POLH: variants seen among roughly 807,000 people sequenced by gnomAD.
POLH encodes DNA polymerase eta transcript.
A neutral mutation model predicts 73.6 loss-of-function variants in POLH; 53 were observed. The observed-to-expected ratio is 0.72, with a 90% CI of 0.58 to 0.91. The LOEUF is 0.91. POLH is among the 40% of genes least tolerant of loss of function. The pLI, the probability that POLH is intolerant of heterozygous loss-of-function variation, is 0.00. For synonymous variants in POLH, 292 were observed against 308.5 expected, an observed-to-expected ratio of 0.95 and a Z score of 0.56; for missense variants, 768 against 865.4, an observed-to-expected ratio of 0.89 and a Z score of 1.41.
chr6:43,602,729 G>A (rs906587855), intron 6 of POLH, among the ~76,000 whole-genome samples: 23 of 149,858 alleles, frequency 1.5e-4, no homozygotes, highest in Non-Finnish European at 2.8e-4. Flanking sequence ...GTGCAGTGGC[G>A]CGATATTGGC....
At position 43,618,040 on chromosome 6, in the gene POLH, G is replaced by C. The variant is rs1195812518; in HGVS notation, c.*3483G>C. The stretch of plus-strand genomic sequence containing the variant: ...TTAAGTACAAATTTAAGAGGTAAGT[G>C]CTTCAGCCATTAGGGTTACTGGCTT... On this transcript the variant is annotated 3_prime_UTR_variant, in exon 11 of 11. Transcript: ENST00000372236. Among the ~76,000 whole-genome samples, 1 of 152,198 alleles carries C rather than the reference G, an allele frequency of 6.6e-6. No individual in the cohort carries two copies. Among genetic ancestry groups the C allele is most frequent in the Non-Finnish European group, 1.5e-5 (1 of 68,038 alleles).
In POLH at chr6:43,603,927, T is replaced by C. The variant is rs771605002; in HGVS notation, c.800T>C (p.Ile267Thr). The C allele has an allele frequency of 2.5e-6, 4 of 1,612,980 alleles. No individual in the cohort carries two copies. The highest frequency in any genetic ancestry group is 2.2e-5 in the East Asian group (1 of 44,876). Residue 267 changes from isoleucine (I) to threonine (T), a missense_variant, in exon 7 of 11, where the codon ATT (isoleucine) becomes ACT (threonine). Coordinates refer to ENST00000372236, the MANE Select transcript of POLH (RefSeq NM_006502.3). ...SLGGKLGASV[I>T]EILGIEYMGE... The stretch of plus-strand genomic sequence containing the variant: ...GGAGGAAAGCTAGGGGCCTCTGTCA[T>C]TGAGATCCTAGGGATAGAATACATG...
Position 43,582,463 on chromosome 6 carries a change from AT to A in POLH, c.137+8del. ...AATCATGGAAGGGTGGTGGGTATGT[AT>A]CATTGTTATTGTCACAACTATTCAA... On this transcript the variant is annotated splice_region_variant and intron_variant, in intron 2 of 10. Coordinates refer to ENST00000372236, the MANE Select transcript of POLH (RefSeq NM_006502.3). 1 of 1,613,094 alleles carries A rather than the reference AT, an allele frequency of 6.2e-7. No individual in the cohort carries two copies. The highest frequency in any genetic ancestry group is 8.5e-7 in the Non-Finnish European group (1 of 1,179,080).
In POLH at chr6:43,617,185, C is replaced by CA. The variant is rs972141192; in HGVS notation, c.*2635dup. On this transcript the variant is annotated 3_prime_UTR_variant, in exon 11 of 11. Transcript: ENST00000372236. ...CCTGGGCGATAGAGTAACTCTGTCT[C>CA]AAAAAAACCCACTAGATCATCTCTA... Among the ~76,000 whole-genome samples, 4 of 151,666 alleles carry CA rather than the reference C, an allele frequency of 2.6e-5. No homozygotes were observed. The highest frequency in any genetic ancestry group is 4.8e-5 in the African/African-American group (2 of 41,266).
chr6:43,593,255 A>C (rs1042803677), intron 4 of POLH, among the ~76,000 whole-genome samples: 5 of 152,234 alleles, frequency 3.3e-5, no homozygotes, highest in African/African-American at 1.2e-4. Flanking sequence ...ACTAAATCTT[A>C]CTAGTGCTCA....
intron 9 of POLH, among the ~76,000 whole-genome samples, chr6:43,609,258 C>T (rs900161794): frequency 1.3e-5 from 2 of 152,042 alleles, no homozygotes; most frequent in African/African-American, 4.8e-5. Context: ...TCCATGAGGA[C>T]CTGGACTTTA....
Position 43,619,159 on chromosome 6 carries a change from T to C in POLH, c.*4602T>C, listed in dbSNP as rs1472764562. Among the ~76,000 whole-genome samples, 1 of 152,010 alleles carries C rather than the reference T, an allele frequency of 6.6e-6. No homozygotes were observed. Among genetic ancestry groups the C allele is most frequent in the African/African-American group, 2.4e-5 (1 of 41,388 alleles). On this transcript the variant is annotated 3_prime_UTR_variant, in exon 11 of 11. Transcript: ENST00000372236. ...TGGGAGGCTGAGGTGGGTGGACTAC[T>C]GGAGCCCTGGAGTTCAAAACCGGCC...
intron 9 of POLH, 35 bp from the exon 10 acceptor site, chr6:43,610,519 A>G (rs746113437): frequency 6.9e-6 from 11 of 1,593,410 alleles, no homozygotes; most frequent in Non-Finnish European, 9.5e-6. Context: ...GCTCCTCATA[A>G]CTTTATTTCT....
intron 4 of POLH, 133 bp downstream of exon 4, chr6:43,587,622 G>A: frequency 1.4e-6 from 1 of 733,116 alleles, no homozygotes; most frequent in Non-Finnish European, 2.5e-6. Flanking sequence ...GACTCACATG[G>A]AAGGATATAC....
At chr6:43,602,546 A>G (rs1766847502) in intron 6 of POLH, among the ~76,000 whole-genome samples, 1 of 152,168 alleles carries the variant, frequency 6.6e-6, no homozygotes, top group Non-Finnish European at 1.5e-5. Context: ...AGTATGAGAT[A>G]TTTTCAGTGA....
In POLH at chr6:43,614,400, C is replaced by G; in HGVS notation, c.1985C>G (p.Ser662Cys). ...DYHFALELQK[S>C]FLQPHSSNPQ... Reference sequence around the variant, plus strand: ...CATTTTGCATTGGAGTTGCAGAAATCCTTTTTGCAGCCCCACTCTTCAAAC... The same window carrying G: ...CATTTTGCATTGGAGTTGCAGAAATGCTTTTTGCAGCCCCACTCTTCAAAC... The change falls in exon 11 of 11, where the codon TCC (serine) becomes TGC (cysteine). Residue 662 changes from serine to cysteine, a missense_variant. Physicochemically the swap from Ser to Cys is moderately radical, Grantham distance 112. Transcript: ENST00000372236. The G allele has an allele frequency of 6.2e-7, 1 of 1,614,160 alleles. No homozygotes were observed. The highest frequency in any genetic ancestry group is 2.2e-5 in the East Asian group (1 of 44,880).
intron 1 of POLH, among the ~76,000 whole-genome samples, chr6:43,577,988 G>C (rs936550200): frequency 6.6e-6 from 1 of 151,972 alleles, no homozygotes; most frequent in Admixed American, 6.6e-5. Context: ...GGATGAGGCA[G>C]AGGAATCACT....
At chr6:43,588,639 G>A (rs1213361551) in intron 4 of POLH, 1 of 152,130 alleles carries the variant, frequency 6.6e-6, no homozygotes, top group Non-Finnish European at 1.5e-5. Flanking sequence ...TTTTAGTAGA[G>A]ATGGGGTTTC....
rs867373073 is a variant in POLH, at chr6:43,614,016, AG to A, written c.1602del (p.Ser536ValfsTer4). 1.2e-6 allele frequency: 2 copies of A among 1,614,160 alleles called. No individual in the cohort carries two copies. The highest frequency in any genetic ancestry group is 2.2e-5 in the South Asian group (2 of 91,092). ...QSTGTEPFFK[Q>X]KSLLLKQKQL... is the part of the protein sequence containing the mutation. ...ACAGGAACTGAGCCCTTCTTTAAGC[AG>A]AAAAGTCTGCTTCTAAAGCAGAAAC... On this transcript the variant is annotated frameshift_variant, in exon 11 of 11. Coordinates refer to ENST00000372236, the MANE Select transcript of POLH (RefSeq NM_006502.3). LOFTEE classifies it high-confidence loss of function.
Position 43,616,731 on chromosome 6 carries a change from G to A in POLH, c.*2174G>A, listed in dbSNP as rs1768374128. ...TAAAAGTGATATGGTAACTAGGGCAGGTCTTTCTGTACATAAAAGTGACTT... is the reference window on the plus strand; with the variant it reads ...TAAAAGTGATATGGTAACTAGGGCAAGTCTTTCTGTACATAAAAGTGACTT... On this transcript the variant is annotated 3_prime_UTR_variant, in exon 11 of 11. Coordinates refer to ENST00000372236, the MANE Select transcript of POLH (RefSeq NM_006502.3). Among the ~76,000 whole-genome samples the A allele has an allele frequency of 6.6e-6, 1 of 152,198 alleles. No individual in the cohort carries two copies. The highest frequency in any genetic ancestry group is 2.4e-5 in the African/African-American group (1 of 41,448).
intron 3 of POLH, among the ~76,000 whole-genome samples, chr6:43,583,837 T>G (rs1044549169): frequency 6.6e-6 from 1 of 152,128 alleles, no homozygotes; most frequent in Non-Finnish European, 1.5e-5. Flanking sequence ...GTTAAATAAT[T>G]TAAGTTAGGC....
At chr6:43,608,862 A>T (rs1767581933) in intron 9 of POLH, among the ~76,000 whole-genome samples, 2 of 152,230 alleles carry the variant, frequency 1.3e-5, no homozygotes, top group African/African-American at 4.8e-5. Flanking sequence ...AATTTTTTAA[A>T]AGTAATTCTA....
At chr6:43,609,995 T>G (rs2127814810) in intron 9 of POLH, among the ~76,000 whole-genome samples, 1 of 152,198 alleles carries the variant, frequency 6.6e-6, no homozygotes, top group Admixed American at 6.6e-5. Flanking sequence ...AACACTTTTT[T>G]GTGGAACCAT....
intron 3 of POLH, among the ~76,000 whole-genome samples, chr6:43,586,277 G>A (rs886754251): frequency 1.3e-5 from 2 of 152,098 alleles, no homozygotes; most frequent in Admixed American, 6.5e-5. Context: ...TCAGGAATTC[G>A]AGATCAGCCT....
Sources: allele counts gnomAD v4.1 joint callset (sites outside exome capture counted in the v4.1 genomes callset), GRCh38; gene constraint gnomAD v4.1.1; transcripts MANE v1.5; gene names NCBI Gene and HGNC (gene_info 2026-07-23, HGNC 2026-07-21).